Variants in GPR15 observed in about 807,000 individuals in gnomAD.
GPR15 encodes G protein-coupled receptor 15.
In GPR15, 16 loss-of-function variants were observed where a neutral mutation model predicts 19.3. That is an observed-to-expected ratio of 0.83 (90% confidence interval 0.56 to 1.26). GPR15 has a LOEUF of 1.26. Ranked by LOEUF, GPR15 falls within the 50% of genes most tolerant of loss-of-function variation. The pLI, the probability that GPR15 is intolerant of heterozygous loss-of-function variation, is 0.00. For missense variants in GPR15, 458 were observed against 429.4 expected, an observed-to-expected ratio of 1.07 and a Z score of -0.59; for synonymous variants, 170 against 171.2, an observed-to-expected ratio of 0.99 and a Z score of 0.05.
At position 98,534,225 on chromosome 3, in the gene GPR15, T is replaced by A. The variant is rs999055769; in HGVS notation, c.*1109T>A. Among the ~76,000 whole-genome samples the A allele has an allele frequency of 6.6e-6, 1 of 152,188 alleles. No individual in the cohort carries two copies. The highest frequency in any genetic ancestry group is 1.5e-5 in the Non-Finnish European group (1 of 68,010). On this transcript the variant is annotated 3_prime_UTR_variant, in exon 1 of 1. Transcript: ENST00000284311. ...AAAGATCTCACTAGTATTTTATATA[T>A]ATTTTTTCCATACCCAGAAACCTTC...
At position 98,532,513 on chromosome 3, in the gene GPR15, C is replaced by T; in HGVS notation, c.480C>T (p.Ile160=). The change falls in exon 1 of 1, where the codon ATC becomes ATT. Residue 160 remains isoleucine (I), a synonymous_variant. Transcript: ENST00000284311. Reference sequence around the variant, plus strand: ...TAGTCTGTGCCAGCATCTGGTTTATCTCCTGCCTGCTGGGGTTGCCTACTC... The same window carrying T: ...TAGTCTGTGCCAGCATCTGGTTTATTTCCTGCCTGCTGGGGTTGCCTACTC... ...AYVVCASIWF[I]SCLLGLPTLL... The T allele has an allele frequency of 6.2e-7, 1 of 1,614,162 alleles. No homozygotes were observed. The highest frequency in any genetic ancestry group is 8.5e-7 in the Non-Finnish European group (1 of 1,180,022).
chr3:98,533,238 T>C lies in GPR15; in HGVS notation c.*122T>C. ...TCATAGATGCAAGGAAGAGTTCATT[T>C]TTAAAGAGAGGACTGAAAAATCCCT... On this transcript the variant is annotated 3_prime_UTR_variant, in exon 1 of 1. Coordinates refer to ENST00000284311, the MANE Select transcript of GPR15 (RefSeq NM_005290.4). 8.8e-7 allele frequency: 1 copy of C among 1,136,100 alleles called. No individual in the cohort carries two copies. Among genetic ancestry groups the C allele is most frequent in the South Asian group, 1.7e-5 (1 of 59,692 alleles). The allele number at this position is 1,136,100 out of a possible 1,614,324, so 70.4% of individuals were successfully genotyped here.
At position 98,532,673 on chromosome 3, in the gene GPR15, T is replaced by G. The variant is rs771467480; in HGVS notation, c.640T>G (p.Cys214Gly). The part of the protein sequence containing the change: ...FFVPLLSIVT[C>G]YCCIARKLCA... Reference sequence around the variant, plus strand: ...TGTCCCTTTGTTGAGCATTGTGACCTGCTACTGTTGCATTGCAAGGAAGCT... The same window carrying G: ...TGTCCCTTTGTTGAGCATTGTGACCGGCTACTGTTGCATTGCAAGGAAGCT... Residue 214 changes from cysteine (C) to glycine (G), a missense_variant, in exon 1 of 1, where the codon TGC becomes GGC. Physicochemically the swap from Cys to Gly is radical, Grantham distance 159 (BLOSUM62 -3). Transcript: ENST00000284311. 4.3e-6 allele frequency: 7 copies of G among 1,614,222 alleles called. No individual in the cohort carries two copies. The South Asian group carries it at 6.6e-5, about 15-fold the overall frequency.
Position 98,533,893 on chromosome 3 carries a change from G to A in GPR15, c.*777G>A, listed in dbSNP as rs1180375257. ...AATGGTGTAGCAACTACTTTTTAATGGGGTTTTACTATGCTCTTTTGTTTC... is the reference window on the plus strand; with the variant it reads ...AATGGTGTAGCAACTACTTTTTAATAGGGTTTTACTATGCTCTTTTGTTTC... On this transcript the variant is annotated 3_prime_UTR_variant, in exon 1 of 1. Transcript: ENST00000284311. Among the ~76,000 whole-genome samples the A allele has an allele frequency of 6.6e-6, 1 of 152,054 alleles. No individual in the cohort carries two copies. The highest frequency in any genetic ancestry group is 1.9e-4 in the East Asian group (1 of 5,198).
rs373538344 is a variant in GPR15 at position 98,532,750 on chromosome 3, T to C, written c.717T>C (p.Ser239=). The change falls in exon 1 of 1, where the codon TCT becomes TCC. Residue 239 remains serine (S), a synonymous_variant. Transcript: ENST00000284311. ...SGKHNKKLKK[S]IKIIFIVVAA... is the part of the protein sequence containing the mutation. ...AGCACAACAAAAAGCTGAAGAAATC[T>C]ATAAAGATCATCTTTATTGTCGTGG... The C allele has an allele frequency of 5.0e-6, 8 of 1,614,060 alleles. No homozygotes were observed. The South Asian group carries it at 5.5e-5, about 11-fold the overall frequency.
In GPR15 at chr3:98,533,727, A is replaced by C. The variant is rs530676797; in HGVS notation, c.*611A>C. 5.3e-4 allele frequency among the ~76,000 whole-genome samples: 81 copies of C among 152,214 alleles called. No individual in the cohort carries two copies. Among genetic ancestry groups the C allele is most frequent in the African/African-American group, 1.9e-3 (77 of 41,538 alleles). On this transcript the variant is annotated 3_prime_UTR_variant, in exon 1 of 1. Coordinates refer to ENST00000284311, the MANE Select transcript of GPR15 (RefSeq NM_005290.4). ...AATGGCTTTGGACTGGCAAAAAAAA[A>C]CTCATGGGGATTTTGTATTGTGTTT...
At position 98,532,731 on chromosome 3, in the gene GPR15, A is replaced by G; in HGVS notation, c.698A>G (p.Asn233Ser). 1 of 1,614,046 alleles carries G rather than the reference A, an allele frequency of 6.2e-7. No individual in the cohort carries two copies. ...CATTACCAGCAATCAGGAAAGCACA[A>G]CAAAAAGCTGAAGAAATCTATAAAG... is the stretch of plus-strand genomic sequence containing the variant. ...CAHYQQSGKH[N>S]KKLKKSIKII... The change falls in exon 1 of 1, where the codon AAC becomes AGC. Residue 233 changes from asparagine to serine, a missense_variant. By Grantham distance (46) the Asn-to-Ser change is conservative (BLOSUM62 1). Transcript: ENST00000284311.
At position 98,532,329 on chromosome 3, in the gene GPR15, G is replaced by A; in HGVS notation, c.296G>A (p.Trp99Ter). 6.2e-7 allele frequency: 1 copy of A among 1,614,118 alleles called. No individual in the cohort carries two copies. The highest frequency in any genetic ancestry group is 8.5e-7 in the Non-Finnish European group (1 of 1,179,996). ...GATAAAGAAGCATCTCTAGGACTGT[G>A]GAGGACGGGCTCCTTCCTGTGCAAA... ...WVDKEASLGL[W>*]RTGSFLCKGS... The change falls in exon 1 of 1, where the codon TGG becomes TAG. Residue 99 changes from tryptophan to a stop codon, truncating the protein, a stop_gained. Transcript: ENST00000284311. LOFTEE classifies it high-confidence loss of function.
chr3:98,531,995 G>C lies in GPR15; in HGVS notation c.-39G>C, dbSNP rs1706638572. The C allele has an allele frequency of 4.5e-6, 7 of 1,554,748 alleles. No individual in the cohort carries two copies. Among genetic ancestry groups the C allele is most frequent in the Non-Finnish European group, 6.1e-6 (7 of 1,151,656 alleles). On this transcript the variant is annotated 5_prime_UTR_variant, in exon 1 of 1. An upstream start codon of the reference 5' UTR is lost. Transcript: ENST00000284311. ...TAAAATTTATACAAAAACATCATAT[G>C]TAAGTAAACTCACCAGATTTGGCAT...
chr3:98,532,622 C>T lies in GPR15; in HGVS notation c.589C>T (p.Leu197=). The change falls in exon 1 of 1, where the codon CTG becomes TTG. Residue 197 remains leucine (L), a synonymous_variant. Coordinates refer to ENST00000284311, the MANE Select transcript of GPR15 (RefSeq NM_005290.4). Reference sequence around the variant, plus strand: ...AACTCCAATTAAACTCATATGGTCCCTGGTGGCCTTAATTTTCACCTTTTT... The same window carrying T: ...AACTCCAATTAAACTCATATGGTCCTTGGTGGCCTTAATTTTCACCTTTTT... The part of the protein sequence containing the change: ...KATPIKLIWS[L]VALIFTFFVP... 3 of 1,614,216 alleles carry T rather than the reference C, an allele frequency of 1.9e-6. No individual in the cohort carries two copies. Among genetic ancestry groups the T allele is most frequent in the East Asian group, 2.2e-5 (1 of 44,886 alleles).
At position 98,532,528 on chromosome 3, in the gene GPR15, G is replaced by A. The variant is rs750271629; in HGVS notation, c.495G>A (p.Gly165=). The A allele has an allele frequency of 5.0e-6, 8 of 1,614,036 alleles. No homozygotes were observed. The highest frequency in any genetic ancestry group is 2.2e-5 in the South Asian group (2 of 91,088). ...TCTGGTTTATCTCCTGCCTGCTGGG[G>A]TTGCCTACTCTTCTGTCCAGGGAGC... ...ASIWFISCLL[G]LPTLLSRELT... Residue 165 remains glycine (G), a synonymous_variant, in exon 1 of 1, where the codon GGG becomes GGA. Coordinates refer to ENST00000284311, the MANE Select transcript of GPR15 (RefSeq NM_005290.4).
chr3:98,533,140 C>T lies in GPR15; in HGVS notation c.*24C>T, dbSNP rs778147129. The stretch of plus-strand genomic sequence containing the variant: ...AAAGGGAACTGTGACATTTCAAGCT[C>T]TGTTGGTGGGTTTAGGAGTTAATTT... On this transcript the variant is annotated 3_prime_UTR_variant, in exon 1 of 1. Coordinates refer to ENST00000284311, the MANE Select transcript of GPR15 (RefSeq NM_005290.4). The T allele has an allele frequency of 5.1e-6, 8 of 1,575,910 alleles. No homozygotes were observed. In the South Asian group the frequency reaches 6.9e-5, roughly 14 times the overall value.
rs533376811 is a variant in GPR15 at position 98,532,929 on chromosome 3, C to T, written c.896C>T (p.Pro299Leu). Residue 299 changes from proline (P) to leucine (L), a missense_variant, in exon 1 of 1, where the codon CCT (proline) becomes CTT (leucine). Pro to Leu is a moderately conservative substitution (Grantham distance 98, BLOSUM62 -3). Coordinates refer to ENST00000284311, the MANE Select transcript of GPR15 (RefSeq NM_005290.4). ...PLAFANSCVN[P>L]FIYYIFDSYI... The stretch of plus-strand genomic sequence containing the variant: ...GCATTTGCCAACAGCTGTGTCAACC[C>T]TTTCATTTACTATATCTTCGACAGC... The T allele has an allele frequency of 8.7e-6, 14 of 1,614,122 alleles. No individual in the cohort carries two copies. The African/African-American group carries it at 1.9e-4, about 22-fold the overall frequency.
chr3:98,533,093 A>T lies in GPR15; in HGVS notation c.1060A>T (p.Arg354Trp). The T allele has an allele frequency of 6.2e-7, 1 of 1,610,146 alleles. No homozygotes were observed. Among genetic ancestry groups the T allele is most frequent in the Non-Finnish European group, 8.5e-7 (1 of 1,179,506 alleles). ...FIHAEDFARR[R>W]KRSVSL ...TCATGCAGAAGATTTTGCCAGGAGG[A>T]GGAAGAGGTCTGTGTCACTCTAAAG... is the stretch of plus-strand genomic sequence containing the variant. Residue 354 changes from arginine to tryptophan, a missense_variant, in exon 1 of 1, where the codon AGG becomes TGG. Arg to Trp is a moderately radical substitution (Grantham distance 101). Coordinates refer to ENST00000284311, the MANE Select transcript of GPR15 (RefSeq NM_005290.4).
Position 98,532,308 on chromosome 3 carries a change from A to G in GPR15, c.275A>G (p.Lys92Arg). Residue 92 changes from lysine to arginine, a missense_variant, in exon 1 of 1, where the codon AAA becomes AGA. By Grantham distance (26) the Lys-to-Arg change is conservative. Transcript: ENST00000284311. ...FLVTLPLWVD[K>R]EASLGLWRTG... ...GTCACATTGCCTCTCTGGGTGGATAAAGAAGCATCTCTAGGACTGTGGAGG... is the reference window on the plus strand; with the variant it reads ...GTCACATTGCCTCTCTGGGTGGATAGAGAAGCATCTCTAGGACTGTGGAGG... The G allele has an allele frequency of 6.2e-7, 1 of 1,614,162 alleles. No homozygotes were observed. The highest frequency in any genetic ancestry group is 8.5e-7 in the Non-Finnish European group (1 of 1,180,012).
chr3:98,532,182 G>C lies in GPR15; in HGVS notation c.149G>C (p.Gly50Ala). The change falls in exon 1 of 1, where the codon GGG becomes GCG. Residue 50 changes from glycine (G) to alanine (A), a missense_variant. By Grantham distance (60) the Gly-to-Ala change is moderately conservative. Coordinates refer to ENST00000284311, the MANE Select transcript of GPR15 (RefSeq NM_005290.4). ...YTAVFLTGVLGNLVLMGALHF... is the reference protein window; with the variant it reads ...YTAVFLTGVLANLVLMGALHF... ...GCTGTGTTCCTGACTGGAGTGCTGG[G>C]GAACCTTGTTCTCATGGGAGCGTTG... 1 of 1,614,176 alleles carries C rather than the reference G, an allele frequency of 6.2e-7. No homozygotes were observed.
chr3:98,532,853 T>A lies in GPR15; in HGVS notation c.820T>A (p.Tyr274Asn). ...TGTCTCTGGGTTGCGGCAAGAACAC[T>A]ATTTACCCTCAGCTATTCTTCAGCT... ...AIVSGLRQEH[Y>N]LPSAILQLGM... Residue 274 changes from tyrosine to asparagine, a missense_variant, in exon 1 of 1, where the codon TAT becomes AAT. Physicochemically the swap from Tyr to Asn is moderately radical, Grantham distance 143. Coordinates refer to ENST00000284311, the MANE Select transcript of GPR15 (RefSeq NM_005290.4). 4.3e-6 allele frequency: 7 copies of A among 1,614,120 alleles called. No individual in the cohort carries two copies. The highest frequency in any genetic ancestry group is 5.1e-6 in the Non-Finnish European group (6 of 1,180,002).
chr3:98,532,583 G>T lies in GPR15; in HGVS notation c.550G>T (p.Ala184Ser). Residue 184 changes from alanine to serine, a missense_variant, in exon 1 of 1, where the codon GCA becomes TCA. By Grantham distance (99) the Ala-to-Ser change is moderately conservative (BLOSUM62 1). Transcript: ENST00000284311. ...GCTGATTGATGATAAGCCATACTGTGCAGAGAAAAAGGCAACTCCAATTAA... is the reference window on the plus strand; with the variant it reads ...GCTGATTGATGATAAGCCATACTGTTCAGAGAAAAAGGCAACTCCAATTAA... ...LTLIDDKPYC[A>S]EKKATPIKLI... 1.9e-6 allele frequency: 3 copies of T among 1,614,168 alleles called. No individual in the cohort carries two copies. Among genetic ancestry groups the T allele is most frequent in the Non-Finnish European group, 2.5e-6 (3 of 1,180,030 alleles).
rs1034336580 is a variant in GPR15 at position 98,532,598 on chromosome 3, A to G, written c.565A>G (p.Thr189Ala). The G allele has an allele frequency of 1.1e-5, 18 of 1,613,662 alleles. No individual in the cohort carries two copies. The highest frequency in any genetic ancestry group is 1.5e-5 in the Non-Finnish European group (18 of 1,179,948). The stretch of plus-strand genomic sequence containing the variant: ...GCCATACTGTGCAGAGAAAAAGGCA[A>G]CTCCAATTAAACTCATATGGTCCCT... ...DKPYCAEKKA[T>A]PIKLIWSLVA... Residue 189 changes from threonine (T) to alanine (A), a missense_variant, in exon 1 of 1, where the codon ACT becomes GCT. By Grantham distance (58) the Thr-to-Ala change is moderately conservative. Coordinates refer to ENST00000284311, the MANE Select transcript of GPR15 (RefSeq NM_005290.4).
Sources: allele counts gnomAD v4.1 joint callset (sites outside exome capture counted in the v4.1 genomes callset), GRCh38; gene constraint gnomAD v4.1.1; transcripts MANE v1.5; gene names NCBI Gene and HGNC (gene_info 2026-07-23, HGNC 2026-07-21).